The following ABRAXAS1 variants were observed in gnomAD, a reference collection of about 807,000 sequenced individuals.
ABRAXAS1 encodes the protein abraxas 1, BRCA1 A complex subunit, also known as BRCA1-A complex subunit Abraxas 1.
A neutral mutation model predicts 38.4 loss-of-function variants in ABRAXAS1; 26 were observed. The observed-to-expected ratio is 0.68, with a 90% CI of 0.50 to 0.94. ABRAXAS1 has a LOEUF of 0.94. ABRAXAS1 is among the 40% of genes least tolerant of loss of function. The probability of loss-of-function intolerance (pLI) is 0.00; values close to 1 mark genes in which losing one functional copy is unlikely to be tolerated. For missense variants in ABRAXAS1, 438 were observed against 481.9 expected (o/e 0.91, Z 0.85); for synonymous variants, 144 against 165.5 (o/e 0.87, Z 1.00).
Position 83,484,980 on chromosome 4 carries a change from G to A in ABRAXAS1, c.87+6C>T, listed in dbSNP as rs754022588. 2.5e-6 allele frequency: 4 copies of A among 1,574,296 alleles called. No individual in the cohort carries two copies. Among genetic ancestry groups the A allele is most frequent in the Non-Finnish European group, 3.5e-6 (4 of 1,159,410 alleles). ...ACGCCGGACCCCGCCCCGTCCCTCG[G>A]CTCACCGTGTCCGAGTCCGTGTTGA... is the stretch of plus-strand genomic sequence containing the variant. On this transcript the variant is annotated splice_donor_region_variant and intron_variant, in intron 1 of 8. Coordinates refer to ENST00000321945, the MANE Select transcript of ABRAXAS1 (RefSeq NM_139076.3).
chr4:83,463,719 A>G (rs1208738599), intron 7 of ABRAXAS1, 111 bp from the exon 8 acceptor site: 3 of 486,830 alleles, frequency 6.2e-6, no homozygotes, highest in Non-Finnish European at 1.0e-5. Flanking sequence ...ACCCAAAACT[A>G]TTTGCCTTTT....
chr4:83,469,738 C>T (rs1311309870), intron 5 of ABRAXAS1: 2 of 155,538 alleles, frequency 1.3e-5, no homozygotes, highest in African/African-American at 2.4e-5. Flanking sequence ...TTAGTTGGTA[C>T]TCTTTTAACG....
chr4:83,465,997 G>C (rs1722339447), intron 7 of ABRAXAS1, among the ~76,000 whole-genome samples: 1 of 152,148 alleles, frequency 6.6e-6, no homozygotes, highest in African/African-American at 2.4e-5. Context: ...CCCAGCTTTG[G>C]ACCTACCACT....
Position 83,462,917 on chromosome 4 carries a change from A to AT in ABRAXAS1, c.797-16dup. 1.3e-6 allele frequency: 2 copies of AT among 1,498,058 alleles called. No individual in the cohort carries two copies. The highest frequency in any genetic ancestry group is 1.8e-6 in the Non-Finnish European group (2 of 1,112,598). 92.8% of individuals were successfully genotyped at this position (1,498,058 alleles called of 1,614,324 possible). On this transcript the variant is annotated splice_polypyrimidine_tract_variant and intron_variant, in intron 8 of 8. Transcript: ENST00000321945. Reference sequence around the variant, plus strand: ...GTTCTTCTCTCCTAAACAAAATAGAATAACAGTTCAACATATAACATTTCT... The same window carrying AT: ...GTTCTTCTCTCCTAAACAAAATAGAATTAACAGTTCAACATATAACATTTCT...
intron 7 of ABRAXAS1, among the ~76,000 whole-genome samples, chr4:83,466,307 T>C (rs1722349681): frequency 6.6e-6 from 1 of 152,198 alleles, no homozygotes; most frequent in Admixed American, 6.5e-5. Context: ...CCTGCACTTA[T>C]AATCCCATCT....
At chr4:83,476,592 CAGAG>C in intron 3 of ABRAXAS1, 47 bp downstream of exon 3, 1 of 1,229,856 alleles carries the variant, frequency 8.1e-7, no homozygotes, top group Non-Finnish European at 1.2e-6. Context: ...ATTTCACTTG[CAGAG>C]AGTAATTTTC....
chr4:83,473,713 G>A (rs953237493), intron 3 of ABRAXAS1, among the ~76,000 whole-genome samples: 1 of 151,680 alleles, frequency 6.6e-6, no homozygotes, highest in Non-Finnish European at 1.5e-5. Context: ...AGGGAGTTTC[G>A]CCATGTTACC....
chr4:83,462,857 C>G lies in ABRAXAS1; in HGVS notation c.842G>C (p.Cys281Ser). Residue 281 changes from cysteine (C) to serine (S), a missense_variant, in exon 9 of 9, where the codon TGT becomes TCT. Coordinates refer to ENST00000321945, the MANE Select transcript of ABRAXAS1 (RefSeq NM_139076.3). ...TGGAAAAAAGGTCCGTAATGCCTGA[C>G]AAAGAAAAATGTTCTCCTGAGGGTC... is the stretch of plus-strand genomic sequence containing the variant. Reference protein sequence around the residue: ...QKDPQENIFLCQALRTFFPNS... With the variant: ...QKDPQENIFLSQALRTFFPNS... 1 of 1,602,446 alleles carries G rather than the reference C, an allele frequency of 6.2e-7. No individual in the cohort carries two copies. Among genetic ancestry groups the G allele is most frequent in the Non-Finnish European group, 8.5e-7 (1 of 1,175,722 alleles).
At chr4:83,462,987 C>A (rs1182145979) in intron 8 of ABRAXAS1, 85 bp from the exon 9 acceptor site, 1 of 942,900 alleles carries the variant, frequency 1.1e-6, no homozygotes, top group East Asian at 2.7e-5. Context: ...AAAATTAAGT[C>A]AAAAAGATTT....
At chr4:83,477,745 T>A in intron 2 of ABRAXAS1, 1 of 659,740 alleles carries the variant, frequency 1.5e-6, no homozygotes, top group African/African-American at 1.8e-5. Context: ...AAGCGGAAGG[T>A]GTATTGGCTC....
At chr4:83,465,171 G>A (rs1028541037) in intron 7 of ABRAXAS1, among the ~76,000 whole-genome samples, 3 of 151,426 alleles carry the variant, frequency 2.0e-5, no homozygotes, top group Admixed American at 1.3e-4. Flanking sequence ...TGGTGGGTGC[G>A]TGTAATCTCA....
intron 5 of ABRAXAS1, 96 bp downstream of exon 5, chr4:83,470,107 C>T: frequency 1.2e-6 from 1 of 861,840 alleles, no homozygotes; most frequent in Non-Finnish European, 1.7e-6. Flanking sequence ...TCTGATGCGA[C>T]AATATATGAG....
rs1553937731 is a variant in ABRAXAS1 at position 83,479,403 on chromosome 4, C to CCA, written c.179-2725_179-2724insTG. The CCA allele has an allele frequency of 4.0e-3, 410 of 102,930 alleles. 5 individuals are homozygous for CCA. Among genetic ancestry groups the CCA allele is most frequent in the African/African-American group, 0.014 (389 of 28,034 alleles). The allele number at this position is 102,930 out of a possible 1,614,324, so 6.4% of individuals were successfully genotyped here. A position where few individuals can be genotyped will look rare whatever the true frequency, so the allele number is the denominator to read the frequency against. ...TGGGTGACAGAGTGAGACTCTGTTT[C>CCA]AAAAAAAAAAAAAAAAAAAGAGTAT... On this transcript the variant is annotated intron_variant, in intron 2 of 8. Coordinates refer to ENST00000321945, the MANE Select transcript of ABRAXAS1 (RefSeq NM_139076.3).
At chr4:83,484,963 C>T in intron 1 of ABRAXAS1, 23 bp downstream of exon 1, 1 of 1,559,114 alleles carries the variant, frequency 6.4e-7, no homozygotes, top group Non-Finnish European at 8.7e-7. Context: ...CGACGCCGGA[C>T]CCCGCCCCGT....
chr4:83,466,380 G>A (rs1722355345), intron 7 of ABRAXAS1, among the ~76,000 whole-genome samples: 1 of 152,130 alleles, frequency 6.6e-6, no homozygotes. Flanking sequence ...ATGAAGTAGA[G>A]GGAAGTATAC....
rs1722161264 is a variant in ABRAXAS1, at chr4:83,462,573, T to C, written c.1126A>G (p.Ser376Gly). 2 of 1,614,150 alleles carry C rather than the reference T, an allele frequency of 1.2e-6. No individual in the cohort carries two copies. Among genetic ancestry groups the C allele is most frequent in the Non-Finnish European group, 1.7e-6 (2 of 1,179,994 alleles). ...QDKRSKADTG[S>G]SNQDKASKMS... ...TTGGATGCTTTATCTTGGTTACTAC[T>C]ACCAGTATCTGCTTTAGATCGTTTG... Residue 376 changes from serine (S) to glycine (G), a missense_variant, in exon 9 of 9, where the codon AGT (serine) becomes GGT (glycine). By Grantham distance (56) the Ser-to-Gly change is moderately conservative. Around this residue, in one of 3 missense-constraint regions of ABRAXAS1, gnomAD observed 184 missense variants for 181.9 expected, o/e 1.01. Coordinates refer to ENST00000321945, the MANE Select transcript of ABRAXAS1 (RefSeq NM_139076.3).
rs574253473 is a variant in ABRAXAS1 at position 83,462,319 on chromosome 4, A to G, written c.*150T>C. ...AAAAAGTACTTTGTGAAGTAAATGC[A>G]CTAAGAGTTATCTGTGTATTACTGC... On this transcript the variant is annotated 3_prime_UTR_variant, in exon 9 of 9. Coordinates refer to ENST00000321945, the MANE Select transcript of ABRAXAS1 (RefSeq NM_139076.3). 6 of 666,414 alleles carry G rather than the reference A, an allele frequency of 9.0e-6. 1 individual carries two copies. In the South Asian group the frequency reaches 1.2e-4, roughly 13 times the overall value. The allele number at this position is 666,414 out of a possible 1,614,324, so 41.3% of individuals were successfully genotyped here. A position where few individuals can be genotyped will look rare whatever the true frequency, so the allele number is the denominator to read the frequency against.
At chr4:83,465,863 A>G (rs2110036043) in intron 7 of ABRAXAS1, among the ~76,000 whole-genome samples, 1 of 152,332 alleles carries the variant, frequency 6.6e-6, no homozygotes, top group Admixed American at 6.5e-5. Context: ...GTAGTGTAAT[A>G]TGAATCAAAA....
rs1722105628 is a variant in ABRAXAS1 at position 83,461,338 on chromosome 4, A to G, written c.*1131T>C. On this transcript the variant is annotated 3_prime_UTR_variant, in exon 9 of 9. Transcript: ENST00000321945. Reference sequence around the variant, plus strand: ...ACACTTCCCCTTCATACCAATGTCCATTAAGCAGATTGCTTATTTAAAATG... The same window carrying G: ...ACACTTCCCCTTCATACCAATGTCCGTTAAGCAGATTGCTTATTTAAAATG... 3 of 652,848 alleles carry G rather than the reference A, an allele frequency of 4.6e-6. No homozygotes were observed. Among genetic ancestry groups the G allele is most frequent in the Non-Finnish European group, 8.2e-6 (3 of 367,520 alleles). 40.4% of individuals were successfully genotyped at this position (652,848 alleles called of 1,614,324 possible). A position where few individuals can be genotyped will look rare whatever the true frequency, so the allele number is the denominator to read the frequency against.
Sources: allele counts gnomAD v4.1 joint callset (sites outside exome capture counted in the v4.1 genomes callset), GRCh38; gene constraint gnomAD v4.1.1; regional missense constraint gnomAD v4.1.1; transcripts MANE v1.5; gene names NCBI Gene and HGNC (gene_info 2026-07-23, HGNC 2026-07-21).